Variants in KLC1 observed in about 807,000 individuals in gnomAD.
The protein encoded by KLC1 is kinesin 2 60/70kDa.
In KLC1, 30 loss-of-function variants were observed where a neutral mutation model predicts 84.2. That is an observed-to-expected ratio of 0.36 (90% CI 0.27 to 0.48). KLC1 has a LOEUF of 0.48. Among genes scored for constraint, KLC1 ranks in the 20% least tolerant of loss-of-function variants. KLC1 has a pLI of 0.99. For missense variants in KLC1, 499 were observed against 805.4 expected (o/e 0.62, Z 4.60); for synonymous variants, 289 against 293.3 (o/e 0.99, Z 0.15).
chr14:103,701,060 A>G (rs2083156930), intron 16 of KLC1, 141 bp from the exon 17 acceptor site: 4 of 1,045,338 alleles, frequency 3.8e-6, no homozygotes, highest in Non-Finnish European at 5.7e-6. Flanking sequence ...CCTCGGCCCC[A>G]GGGAGGCTCA....
chr14:103,666,510 G>A (rs934198006), intron 5 of KLC1, among the ~76,000 whole-genome samples: 9 of 152,260 alleles, frequency 5.9e-5, no homozygotes, highest in South Asian at 2.1e-4. Flanking sequence ...GGACCACACC[G>A]GAGAACCACT....
chr14:103,661,006 G>A (rs4906354), intron 3 of KLC1, among the ~76,000 whole-genome samples: 142,005 of 152,182 alleles, frequency 0.93, 66,506 homozygotes, highest in East Asian at 0.98. Context: ...AAAACATCCA[G>A]TGAGCTGGCT....
Position 103,629,402 on chromosome 14 carries a change from C to G in KLC1, c.-94C>G, listed in dbSNP as rs1416521817. ...TGCGCCGTGCCTCACACAGCCGAGGCGGGCTCGGCGCACAGTCGCTGCTCC... is the reference window on the plus strand; with the variant it reads ...TGCGCCGTGCCTCACACAGCCGAGGGGGGCTCGGCGCACAGTCGCTGCTCC... On this transcript the variant is annotated 5_prime_UTR_variant, in exon 1 of 17. Transcript: ENST00000334553. 1.3e-5 allele frequency: 2 copies of G among 152,110 alleles called. No homozygotes were observed. The highest frequency in any genetic ancestry group is 2.9e-5 in the Non-Finnish European group (2 of 68,026). 9.4% of individuals were successfully genotyped at this position (152,110 alleles called of 1,614,324 possible).
intron 1 of KLC1, among the ~76,000 whole-genome samples, chr14:103,635,304 G>A (rs1207529626): frequency 6.6e-6 from 1 of 152,178 alleles, no homozygotes; most frequent in African/African-American, 2.4e-5. Context: ...ACTGATCAGA[G>A]TGATGTTTGC....
rs199957529 is a variant in KLC1 at position 103,657,617 on chromosome 14, T to C, written c.333T>C (p.Arg111=). ...SEKQKLRAQV[R]RLCQENQWLR... ...AGCAGAAACTGCGTGCGCAGGTTCG[T>C]CGTCTGTGCCAGGAGAATCAGTGGC... Residue 111 remains arginine (R), a synonymous_variant, in exon 3 of 17, where the codon CGT becomes CGC. Coordinates refer to ENST00000334553, the MANE Select transcript of KLC1 (RefSeq NM_001394837.1). 5 of 1,614,208 alleles carry C rather than the reference T, an allele frequency of 3.1e-6. No individual in the cohort carries two copies. Among genetic ancestry groups the C allele is most frequent in the Non-Finnish European group, 4.2e-6 (5 of 1,180,030 alleles).
intron 11 of KLC1, 122 bp downstream of exon 11, chr14:103,675,878 T>G: frequency 1.4e-6 from 1 of 737,338 alleles, no homozygotes; most frequent in South Asian, 1.9e-5. Context: ...TCCCATGTTT[T>G]TCCCGAATTC....
intron 1 of KLC1, among the ~76,000 whole-genome samples, chr14:103,651,577 G>A (rs763134319): frequency 6.6e-6 from 1 of 152,122 alleles, no homozygotes; most frequent in African/African-American, 2.4e-5. Context: ...TATACATGCC[G>A]CTGTCTGTTT....
intron 11 of KLC1, among the ~76,000 whole-genome samples, chr14:103,677,211 A>C (rs2080977616): frequency 6.6e-6 from 1 of 152,270 alleles, no homozygotes; most frequent in Non-Finnish European, 1.5e-5. Context: ...GGCTGTCTAC[A>C]GGACGGGCCA....
At chr14:103,673,254 T>C (rs2080568463) in intron 8 of KLC1, 67 bp downstream of exon 8, 8 of 1,564,434 alleles carry the variant, frequency 5.1e-6, no homozygotes, top group Non-Finnish European at 6.9e-6. Context: ...AAACACTTTC[T>C]CATTTAACTG....
intron 14 of KLC1, among the ~76,000 whole-genome samples, chr14:103,689,571 C>G (rs139300699): frequency 6.6e-6 from 1 of 152,278 alleles, no homozygotes; most frequent in Admixed American, 6.5e-5. Context: ...AGGGTTTGTT[C>G]AGACAGAGAC....
intron 1 of KLC1, among the ~76,000 whole-genome samples, chr14:103,635,856 C>T (rs1386231483): frequency 6.6e-6 from 1 of 152,114 alleles, no homozygotes; most frequent in Non-Finnish European, 1.5e-5. Context: ...AGTTACACAG[C>T]TGTGAAGTCA....
At chr14:103,635,367 G>C (rs1427198704) in intron 1 of KLC1, among the ~76,000 whole-genome samples, 1 of 152,186 alleles carries the variant, frequency 6.6e-6, no homozygotes, top group Admixed American at 6.6e-5. Flanking sequence ...ATATGTGTCT[G>C]TAGTTTCAGT....
At chr14:103,650,297 C>A (rs150401339) in intron 1 of KLC1, among the ~76,000 whole-genome samples, 41 of 152,038 alleles carry the variant, frequency 2.7e-4, no homozygotes, top group African/African-American at 7.5e-4. Context: ...TCCACCACAC[C>A]CCAGGGTAGG....
chr14:103,631,573 A>T (rs1406657370), intron 1 of KLC1, among the ~76,000 whole-genome samples: 1 of 152,162 alleles, frequency 6.6e-6, no homozygotes, highest in East Asian at 1.9e-4. Context: ...TTCTTTGTAG[A>T]TAAGTGGAAT....
Position 103,694,928 on chromosome 14 carries a change from C to T in KLC1, c.1848+2503C>T, listed in dbSNP as rs73363069. ...TGAAAGCGCGTTTGTTTCCACAAGA[C>T]AAGCTCCGTGTAGTCGCCAGCGGGT... On this transcript the variant is annotated intron_variant, in intron 15 of 16. Coordinates refer to ENST00000334553, the MANE Select transcript of KLC1 (RefSeq NM_001394837.1). The surrounding 1 kb of genome is among the most constrained non-coding windows in gnomAD (Gnocchi z 4.5). 2.4e-3 allele frequency: 2,363 copies of T among 985,468 alleles called. 49 individuals carry two copies. In the African/African-American group the frequency reaches 0.038, roughly 16 times the overall value. The allele number at this position is 985,468 out of a possible 1,614,324, so 61.0% of individuals were successfully genotyped here.
chr14:103,655,314 T>C (rs975147748), intron 2 of KLC1, among the ~76,000 whole-genome samples: 8 of 152,102 alleles, frequency 5.3e-5, no homozygotes, highest in African/African-American at 1.9e-4. Context: ...TATTGATTGA[T>C]TGATTGAGAT....
chr14:103,645,959 C>T (rs760274518), intron 1 of KLC1, among the ~76,000 whole-genome samples: 12 of 151,968 alleles, frequency 7.9e-5, no homozygotes, highest in African/African-American at 1.7e-4. Context: ...AGGGTTTCAT[C>T]GTGTTAGCCA....
Position 103,693,933 on chromosome 14 carries a change from A to G in KLC1, c.1848+1508A>G. On this transcript the variant is annotated intron_variant, in intron 15 of 16. Coordinates refer to ENST00000334553, the MANE Select transcript of KLC1 (RefSeq NM_001394837.1). The surrounding 1 kb of genome is among the most constrained non-coding windows in gnomAD (Gnocchi z 5.1). ...GGCTCCTGCTCACGGATGCTGTTGC[A>G]TTTCCTGCCTGCCACCTTTTTGCCA... 1 of 1,229,518 alleles carries G rather than the reference A, an allele frequency of 8.1e-7. No individual in the cohort carries two copies. Among genetic ancestry groups the G allele is most frequent in the Admixed American group, 4.1e-5 (1 of 24,432 alleles). 76.2% of individuals were successfully genotyped at this position (1,229,518 alleles called of 1,614,324 possible).
At position 103,701,221 on chromosome 14, in the gene KLC1, T is replaced by C. The variant is rs376462874; in HGVS notation, c.*22T>C. On this transcript the variant is annotated 3_prime_UTR_variant, in exon 17 of 17. Transcript: ENST00000334553. ...TGCAGTGACCCCGACCTGGCCCCGCTCCAGGATGGGACTGCCGAGTGTGGC... is the reference window on the plus strand; with the variant it reads ...TGCAGTGACCCCGACCTGGCCCCGCCCCAGGATGGGACTGCCGAGTGTGGC... The C allele has an allele frequency of 3.9e-6, 6 of 1,550,346 alleles. No homozygotes were observed. The East Asian group carries it at 1.5e-4, about 38-fold the overall frequency.
Sources: allele counts gnomAD v4.1 joint callset (sites outside exome capture counted in the v4.1 genomes callset), GRCh38; gene constraint gnomAD v4.1.1; non-coding constraint Gnocchi (gnomAD v3.1); transcripts MANE v1.5; gene names NCBI Gene and HGNC (gene_info 2026-07-23, HGNC 2026-07-21).